JPH3: variants seen among roughly 807,000 people sequenced by gnomAD.
JPH3 encodes junctophilin-3.
In JPH3, 11 loss-of-function variants were observed where a neutral mutation model predicts 59.6. The observed-to-expected ratio is 0.18, with a 90% CI of 0.12 to 0.31. The LOEUF is 0.31. JPH3 is among the 10% of genes least tolerant of loss of function. The probability of loss-of-function intolerance (pLI) is 1.00; values close to 1 mark genes in which losing one functional copy is unlikely to be tolerated. For synonymous variants in JPH3, 673 were observed against 483.6 expected (o/e 1.39, Z -5.14); for missense variants, 1,202 against 1,105.7 (o/e 1.09, Z -1.24).
intron 1 of JPH3, among the ~76,000 whole-genome samples, chr16:87,616,594 G>A (rs566053923): frequency 1.1e-4 from 16 of 152,016 alleles, no homozygotes; most frequent in African/African-American, 3.6e-4. Flanking sequence ...TGAGATCACC[G>A]TAGATTCCCA....
chr16:87,619,591 C>G (rs2031097896), intron 1 of JPH3, among the ~76,000 whole-genome samples: 1 of 152,170 alleles, frequency 6.6e-6, no homozygotes, highest in South Asian at 2.1e-4. Flanking sequence ...TTGGAGGGGT[C>G]TGGGGTCCGG....
chr16:87,651,311 G>C (rs536373383), intron 2 of JPH3, among the ~76,000 whole-genome samples: 1 of 152,350 alleles, frequency 6.6e-6, no homozygotes, highest in South Asian at 2.1e-4. Context: ...TTGCGTGCCT[G>C]CTAACATAAC....
chr16:87,627,193 T>C (rs1417602586), intron 1 of JPH3, among the ~76,000 whole-genome samples: 2 of 152,054 alleles, frequency 1.3e-5, no homozygotes, highest in Non-Finnish European at 2.9e-5. Flanking sequence ...TGGCTCAGCT[T>C]GAGGAGCATT....
intron 4 of JPH3, chr16:87,694,656 C>T (rs1379126940): frequency 1.3e-5 from 2 of 153,106 alleles, no homozygotes; most frequent in African/African-American, 2.4e-5. Flanking sequence ...CTTTGCGTAG[C>T]TTTACTGAGA....
chr16:87,644,204 C>A (rs963179366), intron 1 of JPH3, 54 bp from the exon 2 acceptor site: 9 of 1,534,210 alleles, frequency 5.9e-6, no homozygotes, highest in Non-Finnish European at 7.9e-6. Flanking sequence ...CGTGGCCAGG[C>A]TGTGCCCCCT....
At chr16:87,648,979 T>C (rs968243986) in intron 2 of JPH3, among the ~76,000 whole-genome samples, 2 of 152,146 alleles carry the variant, frequency 1.3e-5, no homozygotes, top group Admixed American at 1.3e-4. Context: ...CGGGAGGCCT[T>C]GGCCCCACGG....
At chr16:87,632,365 G>A (rs1420242067) in intron 1 of JPH3, among the ~76,000 whole-genome samples, 1 of 152,200 alleles carries the variant, frequency 6.6e-6, no homozygotes, top group South Asian at 2.1e-4. Context: ...TTCTTCCTGG[G>A]TTCTGCAGAA....
At chr16:87,656,740 G>A (rs779651321) in intron 2 of JPH3, among the ~76,000 whole-genome samples, 1 of 152,176 alleles carries the variant, frequency 6.6e-6, no homozygotes, top group African/African-American at 2.4e-5. Context: ...TCTCTCTCCT[G>A]GTGTCCGCCT....
At chr16:87,657,715 C>A (rs1160069657) in intron 2 of JPH3, among the ~76,000 whole-genome samples, 1 of 152,202 alleles carries the variant, frequency 6.6e-6, no homozygotes, top group Non-Finnish European at 1.5e-5. Context: ...CCCTAGCTTA[C>A]CCCCATGACC....
chr16:87,633,666 G>A (rs1040093406), intron 1 of JPH3, among the ~76,000 whole-genome samples: 1 of 151,970 alleles, frequency 6.6e-6, no homozygotes, highest in Non-Finnish European at 1.5e-5. Flanking sequence ...GGGTGTGGTG[G>A]CGGGCGCCTG....
intron 1 of JPH3, 121 bp from the exon 2 acceptor site, chr16:87,644,137 C>A: frequency 8.9e-7 from 1 of 1,122,994 alleles, no homozygotes; most frequent in East Asian, 2.4e-5. Flanking sequence ...GAACCTGTCT[C>A]AAAAAACACA....
At chr16:87,624,108 T>G (rs1317530142) in intron 1 of JPH3, among the ~76,000 whole-genome samples, 1 of 152,204 alleles carries the variant, frequency 6.6e-6, no homozygotes, top group African/African-American at 2.4e-5. Context: ...CCTCATTCCC[T>G]GATTGCAGAA....
At chr16:87,610,957 G>A (rs866954485) in intron 1 of JPH3, among the ~76,000 whole-genome samples, 22 of 152,128 alleles carry the variant, frequency 1.4e-4, no homozygotes, top group East Asian at 5.8e-4. Flanking sequence ...GGCTTGATTC[G>A]TTCAGTCATT....
chr16:87,647,372 T>C (rs534948434), intron 2 of JPH3, among the ~76,000 whole-genome samples: 7 of 151,960 alleles, frequency 4.6e-5, no homozygotes, highest in East Asian at 3.9e-4. Context: ...TTTTACTTAA[T>C]GGACAGAAGG....
At chr16:87,655,029 G>A (rs9929765) in intron 2 of JPH3, 13,981 of 152,254 alleles carry the variant, frequency 0.092, 749 homozygotes, top group Middle Eastern at 0.15. Context: ...AGTTTCCTTA[G>A]CCAGGGGCCA....
intron 1 of JPH3, among the ~76,000 whole-genome samples, chr16:87,622,099 CA>C (rs61587951): frequency 0.021 from 2,790 of 132,780 alleles, 39 homozygotes; most frequent in South Asian, 0.058. Flanking sequence ...CTCCAGGTGT[CA>C]GGGGGGGGCC....
intron 2 of JPH3, among the ~76,000 whole-genome samples, chr16:87,683,717 C>T (rs1391878208): frequency 6.6e-6 from 1 of 152,234 alleles, no homozygotes; most frequent in Non-Finnish European, 1.5e-5. Context: ...AGCAATCCTC[C>T]TGCCTCAGTG....
At chr16:87,648,028 C>T (rs1366884117) in intron 2 of JPH3, among the ~76,000 whole-genome samples, 15 of 152,190 alleles carry the variant, frequency 9.9e-5, no homozygotes, top group African/African-American at 2.4e-4. Flanking sequence ...GGCGTGGGGC[C>T]GGGCCTGTGG....
At chr16:87,668,557 A>G (rs1304461225) in intron 2 of JPH3, among the ~76,000 whole-genome samples, 2 of 152,086 alleles carry the variant, frequency 1.3e-5, no homozygotes, top group Admixed American at 6.5e-5. Context: ...TCTTCTATAA[A>G]TGGGAGAAAA....
Sources: gnomAD v4.1 joint callset for allele counts (sites outside exome capture counted in the v4.1 genomes callset) on GRCh38, gnomAD v4.1.1 for gene constraint, MANE v1.5 for transcripts, NCBI Gene and HGNC (gene_info 2026-07-23, HGNC 2026-07-21) for gene names.